Variants in SYT9 observed in about 807,000 individuals in gnomAD.
SYT9 encodes the protein synaptotagmin-9.
A neutral mutation model predicts 48.4 loss-of-function variants in SYT9; 22 were observed. That is an observed-to-expected ratio of 0.45 (90% CI 0.32 to 0.65). SYT9 has a LOEUF of 0.65. SYT9 is among the 30% of genes least tolerant of loss of function. The pLI is 0.03. For missense variants in SYT9, 577 were observed against 622.0 expected (o/e 0.93, Z 0.77); for synonymous variants, 265 against 245.0 (o/e 1.08, Z -0.76).
chr11:7,367,068 C>T (rs1404025220), intron 3 of SYT9, among the ~76,000 whole-genome samples: 16 of 131,080 alleles, frequency 1.2e-4, no homozygotes, highest in African/African-American at 4.5e-4. Flanking sequence ...TTCCAGGAGA[C>T]CATCTTTTTT....
At chr11:7,294,185 C>T (rs1034098521) in intron 1 of SYT9, among the ~76,000 whole-genome samples, 7 of 152,134 alleles carry the variant, frequency 4.6e-5, no homozygotes, top group African/African-American at 1.7e-4. Context: ...AATCATCTCC[C>T]AAAGGCTCCA....
intron 3 of SYT9, among the ~76,000 whole-genome samples, chr11:7,401,584 C>T (rs1055222148): frequency 3.3e-5 from 5 of 151,460 alleles, no homozygotes; most frequent in African/African-American, 1.2e-4. Context: ...ACTACTCAAG[C>T]TATCTATTTT....
intron 3 of SYT9, among the ~76,000 whole-genome samples, chr11:7,386,553 A>G (rs1850663926): frequency 6.6e-6 from 1 of 152,360 alleles, no homozygotes; most frequent in South Asian, 2.1e-4. Flanking sequence ...AAATATGCTC[A>G]TCATCACTGG....
chr11:7,360,946 T>A (rs563160713), intron 3 of SYT9, among the ~76,000 whole-genome samples: 41 of 152,246 alleles, frequency 2.7e-4, no homozygotes, highest in African/African-American at 9.4e-4. Flanking sequence ...TTTTTTCTAG[T>A]CAATTTTCCA....
chr11:7,400,035 C>A (rs1446266579), intron 3 of SYT9, among the ~76,000 whole-genome samples: 1 of 152,168 alleles, frequency 6.6e-6, no homozygotes, highest in African/African-American at 2.4e-5. Flanking sequence ...AATGTTTATG[C>A]CACGTACTTA....
chr11:7,241,912 C>T (rs1847744942), intron 1 of SYT9, among the ~76,000 whole-genome samples: 1 of 152,220 alleles, frequency 6.6e-6, no homozygotes, highest in African/African-American at 2.4e-5. Flanking sequence ...GTCTCCCAAA[C>T]ATGGGTTCCC....
intron 3 of SYT9, among the ~76,000 whole-genome samples, chr11:7,405,169 G>C (rs572083261): frequency 6.7e-6 from 1 of 150,090 alleles, no homozygotes; most frequent in African/African-American, 2.5e-5. Flanking sequence ...AAAACTTTTA[G>C]TAAGAATCTA....
At chr11:7,297,968 C>A (rs1490434579) in intron 1 of SYT9, among the ~76,000 whole-genome samples, 1 of 152,060 alleles carries the variant, frequency 6.6e-6, no homozygotes, top group Non-Finnish European at 1.5e-5. Context: ...CTCTAATCTT[C>A]ATGTTTTGAA....
intron 6 of SYT9, among the ~76,000 whole-genome samples, chr11:7,459,042 G>T (rs1393296952): frequency 6.6e-6 from 1 of 152,226 alleles, no homozygotes; most frequent in Non-Finnish European, 1.5e-5. Flanking sequence ...GGAACATGGT[G>T]AGAAATGGTT....
intron 1 of SYT9, chr11:7,239,016 T>A: frequency 2.2e-6 from 1 of 447,528 alleles, no homozygotes; most frequent in South Asian, 1.6e-5. Context: ...GCATTGGAGC[T>A]GTCTGCTGAC....
chr11:7,371,588 T>G (rs1227041256), intron 3 of SYT9, among the ~76,000 whole-genome samples: 1 of 152,176 alleles, frequency 6.6e-6, no homozygotes, highest in East Asian at 1.9e-4. Flanking sequence ...GACATTTGCG[T>G]TCACACATAT....
intron 3 of SYT9, among the ~76,000 whole-genome samples, chr11:7,351,803 C>T (rs1002500771): frequency 1.3e-5 from 2 of 152,072 alleles, no homozygotes; most frequent in African/African-American, 4.8e-5. Flanking sequence ...ACAGACATCA[C>T]CAGGAGTGTG....
intron 1 of SYT9, among the ~76,000 whole-genome samples, chr11:7,286,245 T>C (rs1486164796): frequency 6.6e-6 from 1 of 152,158 alleles, no homozygotes; most frequent in Admixed American, 6.6e-5. Context: ...TGAAATCCCA[T>C]GTCTTCTGCA....
intron 6 of SYT9, among the ~76,000 whole-genome samples, chr11:7,434,404 AGGGT>A (rs567342801): frequency 8.5e-5 from 13 of 152,302 alleles, no homozygotes; most frequent in South Asian, 8.3e-4. Flanking sequence ...GGCAGGGATT[AGGGT>A]GGGCTTCTGG....
At chr11:7,381,593 G>A (rs532790536) in intron 3 of SYT9, among the ~76,000 whole-genome samples, 4 of 152,232 alleles carry the variant, frequency 2.6e-5, no homozygotes, top group Admixed American at 2.6e-4. Context: ...AGATATTGTT[G>A]GCTAAGTTTG....
chr11:7,351,482 C>T (rs1331027312), intron 3 of SYT9, among the ~76,000 whole-genome samples: 1 of 152,134 alleles, frequency 6.6e-6, no homozygotes, highest in African/African-American at 2.4e-5. Context: ...AGCTGTATGT[C>T]GGACTGGAGC....
chr11:7,411,283 T>G (rs1847132677), intron 3 of SYT9, among the ~76,000 whole-genome samples: 1 of 152,236 alleles, frequency 6.6e-6, no homozygotes, highest in Non-Finnish European at 1.5e-5. Flanking sequence ...TTTCTGTAGT[T>G]GTACCATTTG....
chr11:7,447,977 TC>T (rs1232530997), intron 6 of SYT9, among the ~76,000 whole-genome samples: 4 of 152,210 alleles, frequency 2.6e-5, no homozygotes. Flanking sequence ...TTGTATGGTT[TC>T]AGAAGATTGC....
intron 1 of SYT9, among the ~76,000 whole-genome samples, chr11:7,294,918 G>A (rs1304407420): frequency 6.6e-6 from 1 of 152,228 alleles, no homozygotes; most frequent in Non-Finnish European, 1.5e-5. Context: ...GAATAGCATT[G>A]TGGTCCCATC....
Sources: allele counts gnomAD v4.1 joint callset (sites outside exome capture counted in the v4.1 genomes callset), GRCh38; gene constraint gnomAD v4.1.1; transcripts MANE v1.5; gene names NCBI Gene and HGNC (gene_info 2026-07-23, HGNC 2026-07-21).